PIR: variants seen among roughly 807,000 people sequenced by gnomAD.
The protein encoded by PIR is pirin (iron-binding nuclear protein).
PIR carries 22 observed loss-of-function variants against 24.2 expected under a neutral mutation model. The observed-to-expected ratio is 0.91, with a 90% confidence interval of 0.65 to 1.30. The LOEUF (loss-of-function observed/expected upper bound fraction) is 1.30, where lower values mean the gene tolerates loss of function less well. PIR is among the 50% of genes most tolerant of loss of function. The probability of loss-of-function intolerance (pLI) is 0.00; values close to 1 mark genes in which losing one functional copy is unlikely to be tolerated. For synonymous variants in PIR, 80 were observed against 79.6 expected, an observed-to-expected ratio of 1.00 and a Z score of -0.03; for missense variants, 220 against 220.3, an observed-to-expected ratio of 1.00 and a Z score of 0.01.
At chrX:15,434,718 T>G (rs773675619) in intron 5 of PIR, among the ~76,000 whole-genome samples, 78 of 109,502 alleles carry the variant, frequency 7.1e-4, no homozygotes, top group Middle Eastern at 9.4e-3. Context: ...AGGTTTGTTT[T>G]TTTTTTTTTT....
At chrX:15,451,097 C>T (rs1010786817) in intron 5 of PIR, among the ~76,000 whole-genome samples, 1 of 111,606 alleles carries the variant, frequency 9.0e-6, no homozygotes, top group African/African-American at 3.3e-5. Flanking sequence ...GCAGGTTGCT[C>T]GTTGACTAGG....
At chrX:15,469,432 G>A (rs775634293) in intron 3 of PIR, among the ~76,000 whole-genome samples, 2 of 111,679 alleles carry the variant, frequency 1.8e-5, no homozygotes, top group Non-Finnish European at 3.8e-5. Flanking sequence ...AGTGGTCATT[G>A]CTTCCATACC....
At chrX:15,470,576 T>TTTTC (rs1250260776) in intron 3 of PIR, among the ~76,000 whole-genome samples, 2,241 of 87,451 alleles carry the variant, frequency 0.026, 100 homozygotes, top group African/African-American at 0.086. Context: ...CCCACTCAAT[T>TTTTC]TTTCTTTCTT....
chrX:15,412,104 T>C (rs1243361800), intron 6 of PIR, among the ~76,000 whole-genome samples: 8 of 112,465 alleles, frequency 7.1e-5, no homozygotes, highest in Non-Finnish European at 1.9e-5. Context: ...GAAATTAACA[T>C]TGATACAATG....
intron 2 of PIR, among the ~76,000 whole-genome samples, chrX:15,486,939 C>A (rs752903083): frequency 8.9e-6 from 1 of 111,977 alleles, no homozygotes; most frequent in South Asian, 3.7e-4. Context: ...GATAAAAGGG[C>A]AATAATGTCT....
intron 5 of PIR, among the ~76,000 whole-genome samples, chrX:15,437,369 T>C (rs1348020388): frequency 8.9e-6 from 1 of 112,089 alleles, no homozygotes; most frequent in Non-Finnish European, 1.9e-5. Context: ...AATTCTAGAT[T>C]CGTGTTGCCC....
chrX:15,417,878 T>G (rs1471144427), intron 6 of PIR, among the ~76,000 whole-genome samples: 1 of 111,432 alleles, frequency 9.0e-6, no homozygotes, highest in Non-Finnish European at 1.9e-5. Flanking sequence ...AGGGTCCACC[T>G]GCATCATCCA....
intron 6 of PIR, among the ~76,000 whole-genome samples, chrX:15,414,045 A>G (rs780754008): frequency 5.3e-5 from 6 of 112,155 alleles, no homozygotes; most frequent in African/African-American, 1.9e-4. Flanking sequence ...TATAAGCAAT[A>G]TAAGCTCTCT....
At chrX:15,420,118 A>C (rs1049649240) in intron 6 of PIR, among the ~76,000 whole-genome samples, 7 of 109,981 alleles carry the variant, frequency 6.4e-5, no homozygotes, top group Non-Finnish European at 1.1e-4. Context: ...AATCACTTGA[A>C]CCTGGGAGGC....
intron 5 of PIR, among the ~76,000 whole-genome samples, chrX:15,447,400 C>T (rs761145531): frequency 1.7e-4 from 19 of 110,793 alleles, no homozygotes; most frequent in East Asian, 1.1e-3. Flanking sequence ...CTGCAAGCTC[C>T]GCCTCGCGGG....
intron 6 of PIR, among the ~76,000 whole-genome samples, chrX:15,408,985 T>C (rs1018255430): frequency 1.8e-5 from 2 of 111,837 alleles, no homozygotes; most frequent in African/African-American, 3.3e-5. Context: ...TGCCAGAGAA[T>C]ATTTTCCCAT....
chrX:15,487,977 G>A (rs2147090121), intron 2 of PIR, among the ~76,000 whole-genome samples: 1 of 111,930 alleles, frequency 8.9e-6, no homozygotes, highest in Admixed American at 9.5e-5. Context: ...CTTTGGTGCA[G>A]AGTTTGAAAA....
At chrX:15,400,190 T>C (rs758442912) in intron 7 of PIR, among the ~76,000 whole-genome samples, 1 of 111,863 alleles carries the variant, frequency 8.9e-6, no homozygotes, top group East Asian at 2.8e-4. Flanking sequence ...TAGAACTCCA[T>C]TGATTTTCCA....
chrX:15,433,546 G>GAAAGAAAGAAAGAA (rs1569201525), intron 5 of PIR, among the ~76,000 whole-genome samples: 1 of 62,918 alleles, frequency 1.6e-5, no homozygotes, highest in African/African-American at 7.1e-5. Context: ...GAAAGAAAGA[G>GAAAGAAAGAAAGAA]AGAGAAAGAA....
At chrX:15,472,800 A>G (rs1472143149) in intron 3 of PIR, among the ~76,000 whole-genome samples, 1 of 112,248 alleles carries the variant, frequency 8.9e-6, no homozygotes, top group African/African-American at 3.2e-5. Flanking sequence ...TTGTAAATAC[A>G]TATTTGTACC....
chrX:15,442,071 A>ATT (rs1235696387), intron 5 of PIR, among the ~76,000 whole-genome samples: 41 of 100,221 alleles, frequency 4.1e-4, no homozygotes, highest in Middle Eastern at 5.2e-3. Context: ...AAATATATGT[A>ATT]TTTTTTTTTT....
At chrX:15,407,403 G>C (rs1315308698) in intron 7 of PIR, 103 bp downstream of exon 7, 9 of 608,510 alleles carry the variant, frequency 1.5e-5, no homozygotes, top group Middle Eastern at 6.2e-4. Context: ...AGAGAAGGTG[G>C]CATAGTATTC....
At chrX:15,463,823 T>G (rs2147064719) in intron 3 of PIR, among the ~76,000 whole-genome samples, 1 of 112,391 alleles carries the variant, frequency 8.9e-6, no homozygotes, top group Non-Finnish European at 1.9e-5. Context: ...AATGACCATA[T>G]GAGAAAAGAC....
At chrX:15,457,979 T>C (rs766388929) in intron 4 of PIR, among the ~76,000 whole-genome samples, 2 of 112,556 alleles carry the variant, frequency 1.8e-5, no homozygotes, top group African/African-American at 6.5e-5. Context: ...TTGCCCTTTA[T>C]AGAAAAAATT....
Sources: gnomAD v4.1 joint callset for allele counts (sites outside exome capture counted in the v4.1 genomes callset) on GRCh38, gnomAD v4.1.1 for gene constraint, MANE v1.5 for transcripts, NCBI Gene and HGNC (gene_info 2026-07-23, HGNC 2026-07-21) for gene names.